Variants in SDK1 observed in about 807,000 individuals in gnomAD.
The protein encoded by SDK1 is sidekick cell adhesion molecule 1, also known as protein sidekick-1.
Under a neutral mutation model 245.5 loss-of-function variants are expected in SDK1, and 157 were observed. The ratio of observed to expected loss-of-function variants is 0.64; its 90% CI spans 0.56 to 0.73. The LOEUF (loss-of-function observed/expected upper bound fraction) is 0.73. Among genes scored for constraint, SDK1 ranks in the 30% least tolerant of loss-of-function variants. SDK1 has a pLI of 0.00. For missense variants in SDK1, 3,583 were observed against 3,002.3 expected (o/e 1.19, Z -4.52); for synonymous variants, 1,647 against 1,278.5 (o/e 1.29, Z -6.15).
chr7:3,314,021 C>G (rs1249031679), intron 1 of SDK1, among the ~76,000 whole-genome samples: 1 of 152,118 alleles, frequency 6.6e-6, no homozygotes, highest in Admixed American at 6.6e-5. Flanking sequence ...ATAACAGTTG[C>G]TTCCTTCAGA....
intron 5 of SDK1, among the ~76,000 whole-genome samples, chr7:3,869,896 G>T (rs1280498463): frequency 2.0e-5 from 3 of 152,156 alleles, no homozygotes; most frequent in African/African-American, 7.2e-5. Context: ...GGTAGGAAAA[G>T]AAAATGCTGT....
chr7:3,818,463 A>G (rs1437052694), intron 4 of SDK1, among the ~76,000 whole-genome samples: 1 of 152,224 alleles, frequency 6.6e-6, no homozygotes, highest in Non-Finnish European at 1.5e-5. Flanking sequence ...TCAAAAGGAA[A>G]TGGCCTGTAA....
chr7:3,871,388 C>A (rs533200615), intron 5 of SDK1, among the ~76,000 whole-genome samples: 1 of 152,134 alleles, frequency 6.6e-6, no homozygotes. Flanking sequence ...TTCTTCCTCT[C>A]GAATCTGTAT....
intron 22 of SDK1, among the ~76,000 whole-genome samples, chr7:4,101,067 G>A (rs117400276): frequency 0.017 from 2,643 of 152,244 alleles, 40 homozygotes; most frequent in South Asian, 0.039. Flanking sequence ...CAGAGAGGCC[G>A]CCTTGCCTGG....
chr7:3,536,481 C>T (rs937521516), intron 1 of SDK1, among the ~76,000 whole-genome samples: 7 of 151,916 alleles, frequency 4.6e-5, no homozygotes, highest in Non-Finnish European at 7.4e-5. Context: ...GAGTTGAGAC[C>T]AGCCTGGCCA....
intron 5 of SDK1, among the ~76,000 whole-genome samples, chr7:3,941,180 C>A (rs936366683): frequency 2.0e-5 from 3 of 152,136 alleles, no homozygotes; most frequent in African/African-American, 7.2e-5. Context: ...TCTCTCCTCT[C>A]CCTTTGTCCC....
Position 3,794,067 on chromosome 7 carries a change from T to C in SDK1, c.714-27383T>C, listed in dbSNP as rs182373399. ...TCATCTTTAAGAAGCATGCTATCTT[T>C]ATACAATTGAATGCACTCTTTGAAT... On this transcript the variant is annotated intron_variant, in intron 4 of 44. Transcript: ENST00000404826. Among the ~76,000 whole-genome samples the C allele has an allele frequency of 1.4e-4, 22 of 152,346 alleles. 1 individual carries two copies. In the East Asian group the frequency reaches 4.0e-3, roughly 28 times the overall value.
chr7:3,957,520 C>A (rs538263747), intron 7 of SDK1, among the ~76,000 whole-genome samples: 1 of 152,160 alleles, frequency 6.6e-6, no homozygotes, highest in East Asian at 1.9e-4. Flanking sequence ...TATAATTAAT[C>A]ATAAGCAAAT....
At chr7:3,633,969 A>G (rs1782379444) in intron 2 of SDK1, among the ~76,000 whole-genome samples, 1 of 152,048 alleles carries the variant, frequency 6.6e-6, no homozygotes, top group South Asian at 2.1e-4. Context: ...CCCCTGGACT[A>G]GGGCTCCACT....
chr7:4,129,758 A>T, intron 26 of SDK1, 150 bp from the exon 27 acceptor site: 1 of 1,458,318 alleles, frequency 6.9e-7, no homozygotes, highest in Non-Finnish European at 9.0e-7. Flanking sequence ...AGCATGGACA[A>T]ATTAGATCCA....
intron 1 of SDK1, among the ~76,000 whole-genome samples, chr7:3,496,729 A>G (rs1008107345): frequency 2.0e-5 from 3 of 152,142 alleles, no homozygotes; most frequent in Non-Finnish European, 4.4e-5. Flanking sequence ...TTCTCCGTTC[A>G]TTTTCATTTG....
chr7:3,703,617 T>C (rs966811518), intron 4 of SDK1, among the ~76,000 whole-genome samples: 3 of 152,202 alleles, frequency 2.0e-5, no homozygotes, highest in Admixed American at 6.5e-5. Flanking sequence ...TCCTGATTTT[T>C]CAATGCATTG....
chr7:3,974,449 T>G lies in SDK1; in HGVS notation c.1898T>G (p.Leu633Arg). The change falls in exon 13 of 45, where the codon CTC (leucine) becomes CGC (arginine). Residue 633 changes from leucine (L) to arginine (R), a missense_variant. Coordinates refer to ENST00000404826, the MANE Select transcript of SDK1 (RefSeq NM_152744.4). ...GTGGTGGAGAAGGACGGGTCCCTTCTCATCAGCCAGACGTGGTCAGGCGAC... is the reference window on the plus strand; with the variant it reads ...GTGGTGGAGAAGGACGGGTCCCTTCGCATCAGCCAGACGTGGTCAGGCGAC... Reference protein sequence around the residue: ...RIVVEKDGSLLISQTWSGDIG... With the variant: ...RIVVEKDGSLRISQTWSGDIG... 6.2e-7 allele frequency: 1 copy of G among 1,614,130 alleles called. No homozygotes were observed. The highest frequency in any genetic ancestry group is 8.5e-7 in the Non-Finnish European group (1 of 1,180,006).
chr7:3,305,940 A>C (rs1215033494), intron 1 of SDK1, among the ~76,000 whole-genome samples: 3 of 152,200 alleles, frequency 2.0e-5, no homozygotes, highest in Non-Finnish European at 4.4e-5. Flanking sequence ...TGAGGCATTC[A>C]GATGTTAACT....
chr7:3,931,244 A>G (rs1779966959), intron 5 of SDK1, among the ~76,000 whole-genome samples: 1 of 152,166 alleles, frequency 6.6e-6, no homozygotes. Flanking sequence ...TTCACAACCA[A>G]ACACTTAAAA....
At chr7:3,536,325 C>A (rs1778887083) in intron 1 of SDK1, among the ~76,000 whole-genome samples, 1 of 152,144 alleles carries the variant, frequency 6.6e-6, no homozygotes, top group African/African-American at 2.4e-5. Context: ...CTCAGCCTCC[C>A]AAAGTGTTGG....
intron 1 of SDK1, among the ~76,000 whole-genome samples, chr7:3,591,054 G>C (rs545697085): frequency 2.0e-5 from 3 of 151,976 alleles, no homozygotes; most frequent in Non-Finnish European, 4.4e-5. Context: ...TAAGAACAAC[G>C]GTTTATATGA....
intron 4 of SDK1, among the ~76,000 whole-genome samples, chr7:3,763,819 G>C (rs1246914569): frequency 6.6e-6 from 1 of 152,090 alleles, no homozygotes; most frequent in African/African-American, 2.4e-5. Context: ...CATTAGAATA[G>C]TATTTACTGA....
At chr7:4,130,119 T>C in intron 27 of SDK1, 22 bp downstream of exon 27, 1 of 1,551,716 alleles carries the variant, frequency 6.4e-7, no homozygotes, top group Non-Finnish European at 8.7e-7. Flanking sequence ...GTTCGCGCCT[T>C]CGGGAGCCTT....
Sources: gnomAD v4.1 joint callset for allele counts (sites outside exome capture counted in the v4.1 genomes callset) on GRCh38, gnomAD v4.1.1 for gene constraint, MANE v1.5 for transcripts, NCBI Gene and HGNC (gene_info 2026-07-23, HGNC 2026-07-21) for gene names.